Variants in CNIH3 observed in about 807,000 individuals in gnomAD.
CNIH3 encodes cornichon family AMPA receptor auxiliary protein 3.
CNIH3 carries 14 observed loss-of-function variants against 24.1 expected under a neutral mutation model. The ratio of observed to expected loss-of-function variants is 0.58; its 90% CI spans 0.38 to 0.91. The LOEUF (loss-of-function observed/expected upper bound fraction) is 0.91, where lower values mean the gene tolerates loss of function less well. CNIH3 is among the 40% of genes least tolerant of loss of function. The probability of loss-of-function intolerance (pLI) is 0.00; values close to 1 mark genes in which losing one functional copy is unlikely to be tolerated. For synonymous variants in CNIH3, 68 were observed against 73.8 expected (o/e 0.92, Z 0.40); for missense variants, 178 against 196.8 (o/e 0.90, Z 0.57).
In CNIH3 at chr1:224,634,918, A is replaced by G. The variant is rs574425695; in HGVS notation, c.81+17663A>G. Among the ~76,000 whole-genome samples, 22 of 152,358 alleles carry G rather than the reference A, an allele frequency of 1.4e-4. No individual in the cohort carries two copies. The East Asian group carries it at 4.0e-3, about 28-fold the overall frequency. On this transcript the variant is annotated intron_variant, in intron 1 of 5. Coordinates refer to ENST00000272133, the MANE Select transcript of CNIH3 (RefSeq NM_152495.2). ...ATAATTAGCAAAGTTGGCAGTTTTCAGCACTGTTCAGAGTATAAGTTGTTT... is the reference window on the plus strand; with the variant it reads ...ATAATTAGCAAAGTTGGCAGTTTTCGGCACTGTTCAGAGTATAAGTTGTTT...
chr1:224,677,721 T>C (rs1241062113), intron 1 of CNIH3, among the ~76,000 whole-genome samples: 3 of 152,142 alleles, frequency 2.0e-5, no homozygotes, highest in African/African-American at 7.2e-5. Context: ...CTACTTTTGC[T>C]CTATTCAGTC....
At chr1:224,457,755 CT>C (rs1251595770) in intron 1 of CNIH3, among the ~76,000 whole-genome samples, 4 of 152,132 alleles carry the variant, frequency 2.6e-5, no homozygotes, top group Non-Finnish European at 5.9e-5. Context: ...TAAACGTTCA[CT>C]TTTATCATTT....
At chr1:224,691,115 A>T (rs1363969297) in intron 3 of CNIH3, among the ~76,000 whole-genome samples, 1 of 152,242 alleles carries the variant, frequency 6.6e-6, no homozygotes, top group Non-Finnish European at 1.5e-5. Context: ...CATTATTATT[A>T]ATGCTTCCTT....
chr1:224,668,542 G>A (rs1320578197), intron 1 of CNIH3, among the ~76,000 whole-genome samples: 1 of 152,106 alleles, frequency 6.6e-6, no homozygotes, highest in East Asian at 1.9e-4. Flanking sequence ...AGATACTTTG[G>A]GGAGCCTTTC....
chr1:224,581,155 G>A (rs1375318444), intron 4 of CNIH3, among the ~76,000 whole-genome samples: 1 of 152,102 alleles, frequency 6.6e-6, no homozygotes, highest in Admixed American at 6.6e-5. Context: ...TTGGGGTCCT[G>A]AAATTTTATT....
At chr1:224,509,152 A>G (rs1254060548) in intron 1 of CNIH3, among the ~76,000 whole-genome samples, 1 of 152,080 alleles carries the variant, frequency 6.6e-6, no homozygotes, top group Non-Finnish European at 1.5e-5. Flanking sequence ...GTGAAACCCC[A>G]TCTATACTAA....
chr1:224,545,952 C>T (rs1488945206), intron 2 of CNIH3, among the ~76,000 whole-genome samples: 1 of 152,118 alleles, frequency 6.6e-6, no homozygotes, highest in Non-Finnish European at 1.5e-5. Flanking sequence ...AGGCCCCTCT[C>T]CTTGGTTTGC....
At chr1:224,615,041 G>A (rs1188388959), upstream of CNIH3, among the ~76,000 whole-genome samples, 1 of 152,164 alleles carries the variant, frequency 6.6e-6, no homozygotes, top group Non-Finnish European at 1.5e-5. Context: ...CCCAGGATTA[G>A]GAGTCCGCAG....
intron 1 of CNIH3, among the ~76,000 whole-genome samples, chr1:224,622,909 G>A (rs1683348183): frequency 6.6e-6 from 1 of 152,210 alleles, no homozygotes; most frequent in Non-Finnish European, 1.5e-5. Context: ...TCTGCAAACA[G>A]GTTCCTCTGG....
At chr1:224,727,100 G>A (rs1379250384) in intron 3 of CNIH3, among the ~76,000 whole-genome samples, 2 of 152,204 alleles carry the variant, frequency 1.3e-5, no homozygotes, top group African/African-American at 2.4e-5. Context: ...CCCTGCCCGA[G>A]CATGTCCGGT....
chr1:224,518,144 A>C (rs1678471651), intron 1 of CNIH3, among the ~76,000 whole-genome samples: 1 of 152,192 alleles, frequency 6.6e-6, no homozygotes. Context: ...CTTTAGCAGC[A>C]GAGCCGGCCC....
At chr1:224,694,126 A>G (rs1436171) in intron 3 of CNIH3, among the ~76,000 whole-genome samples, 65,113 of 152,088 alleles carry the variant, frequency 0.43, 15,361 homozygotes, top group Middle Eastern at 0.57. Flanking sequence ...AGAAGTTGAC[A>G]GCAGACAGAT....
chr1:224,556,587 T>C (rs533887131), intron 3 of CNIH3, among the ~76,000 whole-genome samples: 1 of 152,338 alleles, frequency 6.6e-6, no homozygotes, highest in South Asian at 2.1e-4. Flanking sequence ...GGTTTCAGGA[T>C]GAAACTGTTC....
intron 1 of CNIH3, among the ~76,000 whole-genome samples, chr1:224,643,427 C>G (rs1193198901): frequency 1.3e-5 from 2 of 152,178 alleles, no homozygotes; most frequent in Admixed American, 1.3e-4. Flanking sequence ...TTAGTGTAAC[C>G]ACACTGGCCT....
intron 1 of CNIH3, among the ~76,000 whole-genome samples, chr1:224,516,450 C>T (rs939037561): frequency 3.3e-5 from 5 of 152,096 alleles, no homozygotes; most frequent in Non-Finnish European, 5.9e-5. Context: ...GGGCTTCCCA[C>T]GAGACTATGA....
At chr1:224,452,892 G>A (rs1349832799) in intron 1 of CNIH3, among the ~76,000 whole-genome samples, 2 of 151,550 alleles carry the variant, frequency 1.3e-5, no homozygotes, top group African/African-American at 2.4e-5. Context: ...AGGCTGAGGC[G>A]GGCAGATGAT....
At position 224,617,138 on chromosome 1, in the gene CNIH3, T is replaced by A; in HGVS notation, c.-37T>A. The A allele has an allele frequency of 6.2e-7, 1 of 1,610,990 alleles. No individual in the cohort carries two copies. The highest frequency in any genetic ancestry group is 2.2e-5 in the East Asian group (1 of 44,824). On this transcript the variant is annotated 5_prime_UTR_variant, in exon 1 of 6. Transcript: ENST00000272133. ...AGGGAGGCATCGGGCTCCTAGGGGC[T>A]TCTTGGCGTGTGTGGTGGGATTGGG...
chr1:224,485,092 G>T (rs1572341533), intron 1 of CNIH3, among the ~76,000 whole-genome samples: 1 of 152,188 alleles, frequency 6.6e-6, no homozygotes, highest in South Asian at 2.1e-4. Context: ...TAATATTTTT[G>T]AGCTTTATTT....
At chr1:224,622,308 T>C (rs1683320303) in intron 1 of CNIH3, among the ~76,000 whole-genome samples, 1 of 152,124 alleles carries the variant, frequency 6.6e-6, no homozygotes, top group South Asian at 2.1e-4. Context: ...TGCCATGGGG[T>C]ATAGGGCCCT....
Sources: gnomAD v4.1 joint callset for allele counts (sites outside exome capture counted in the v4.1 genomes callset) on GRCh38, gnomAD v4.1.1 for gene constraint, MANE v1.5 for transcripts, NCBI Gene and HGNC (gene_info 2026-07-23, HGNC 2026-07-21) for gene names.